Variants in ALG9 observed in about 807,000 individuals in gnomAD.
ALG9 encodes the protein alpha-1,2-mannosyltransferase ALG9.
In ALG9, 55 loss-of-function variants were observed where a neutral mutation model predicts 81.8. That is an observed-to-expected ratio of 0.67 (90% CI 0.54 to 0.84). ALG9 has a LOEUF of 0.84. Ranked by LOEUF, ALG9 falls within the 40% of genes least tolerant of loss-of-function variation. The pLI, the probability that ALG9 is intolerant of heterozygous loss-of-function variation, is 0.00. For missense variants in ALG9, 629 were observed against 745.0 expected (o/e 0.84, Z 1.81); for synonymous variants, 278 against 274.3 (o/e 1.01, Z -0.13).
intron 4 of ALG9, among the ~76,000 whole-genome samples, chr11:111,863,182 C>G (rs1555149516): frequency 2.0e-5 from 3 of 151,932 alleles, no homozygotes; most frequent in African/African-American, 7.3e-5. Context: ...CACGGTGAAA[C>G]CCCATCTCTA....
At chr11:111,864,284 A>G in intron 4 of ALG9, 1 of 1,129,904 alleles carries the variant, frequency 8.9e-7, no homozygotes, top group Non-Finnish European at 1.3e-6. Flanking sequence ...TGCCGCTATG[A>G]AGAAAGTGGT....
intron 6 of ALG9, among the ~76,000 whole-genome samples, chr11:111,856,610 A>T (rs951617572): frequency 2.6e-5 from 4 of 151,340 alleles, no homozygotes; most frequent in African/African-American, 9.7e-5. Flanking sequence ...TTTACCTTAT[A>T]CAATCTGGTA....
chr11:111,860,283 C>T lies in ALG9; in HGVS notation c.565+264G>A, dbSNP rs111553385. ...AATTTTGACTTTTAGTAAATCATTT[C>T]ATCTACGTTTCAATGTCCTTACCTG... On this transcript the variant is annotated intron_variant, in intron 5 of 14. Coordinates refer to ENST00000616540, the MANE Select transcript of ALG9 (RefSeq NM_024740.2). Among the ~76,000 whole-genome samples, 987 of 152,290 alleles carry T rather than the reference C, an allele frequency of 6.5e-3. 11 individuals carry two copies. The highest frequency in any genetic ancestry group is 0.022 in the African/African-American group (921 of 41,568).
chr11:111,833,705 T>C (rs1378119048), intron 13 of ALG9, among the ~76,000 whole-genome samples: 6 of 152,232 alleles, frequency 3.9e-5, no homozygotes, highest in African/African-American at 1.2e-4. Flanking sequence ...TGGACACAGC[T>C]GCTACCCAGC....
At chr11:111,819,472 G>A (rs998422303) in intron 13 of ALG9, among the ~76,000 whole-genome samples, 1 of 152,186 alleles carries the variant, frequency 6.6e-6, no homozygotes, top group Non-Finnish European at 1.5e-5. Flanking sequence ...AATCCTCTAA[G>A]AGTCCAAGGG....
intron 14 of ALG9, among the ~76,000 whole-genome samples, chr11:111,788,819 G>C (rs1037535329): frequency 2.0e-5 from 3 of 152,008 alleles, no homozygotes; most frequent in Non-Finnish European, 2.9e-5. Context: ...GGGTAGAACA[G>C]AAAGATGCAA....
At chr11:111,839,493 G>A (rs963032170) in intron 10 of ALG9, among the ~76,000 whole-genome samples, 2 of 149,292 alleles carry the variant, frequency 1.3e-5, no homozygotes, top group African/African-American at 4.9e-5. Context: ...ACTGAGGCAG[G>A]AGAATGGTGT....
intron 8 of ALG9, 138 bp downstream of exon 8, chr11:111,853,242 T>A (rs1958111696): frequency 1.4e-6 from 1 of 718,910 alleles, no homozygotes; most frequent in African/African-American, 1.8e-5. Context: ...TATACTCAGA[T>A]GTCATTTTTA....
the ALG9 span, among the ~76,000 whole-genome samples, chr11:111,772,457 T>C: frequency 6.6e-6 from 1 of 152,118 alleles, no homozygotes; most frequent in Non-Finnish European, 1.5e-5. Context: ...CCTTTCACAA[T>C]AGTACATACA....
At chr11:111,771,897 T>C in the ALG9 span, among the ~76,000 whole-genome samples, 1 of 152,218 alleles carries the variant, frequency 6.6e-6, no homozygotes, top group Admixed American at 6.5e-5. Flanking sequence ...GTTTTCTTCA[T>C]GGCAAATTTT....
intron 8 of ALG9, among the ~76,000 whole-genome samples, chr11:111,850,668 C>T (rs901002163): frequency 7.5e-6 from 1 of 133,558 alleles, no homozygotes. Flanking sequence ...GATCGCACCA[C>T]TGCACTCCAG....
At chr11:111,798,449 A>C (rs1362472763) in intron 14 of ALG9, among the ~76,000 whole-genome samples, 1 of 152,006 alleles carries the variant, frequency 6.6e-6, no homozygotes, top group East Asian at 1.9e-4. Flanking sequence ...ATCTCTCAGC[A>C]CACTTAGATA....
downstream of ALG9, among the ~76,000 whole-genome samples, chr11:111,777,904 C>T (rs1390209746): frequency 6.6e-6 from 1 of 152,166 alleles, no homozygotes; most frequent in African/African-American, 2.4e-5. Context: ...ACACATTTCA[C>T]GTCATTTCTC....
At chr11:111,838,113 T>C (rs1955626874) in intron 11 of ALG9, 136 bp downstream of exon 11, 1 of 937,958 alleles carries the variant, frequency 1.1e-6, no homozygotes, top group African/African-American at 1.7e-5. Context: ...CACTCATTAA[T>C]ATTAAGTCTA....
chr11:111,870,769 A>C, intron 1 of ALG9: 1 of 1,007,512 alleles, frequency 9.9e-7, no homozygotes, highest in South Asian at 4.2e-5. Context: ...CCAACTAATC[A>C]CTCACTTGAA....
the ALG9 span, among the ~76,000 whole-genome samples, chr11:111,777,175 C>T: frequency 1.3e-5 from 2 of 152,180 alleles, no homozygotes; most frequent in African/African-American, 4.8e-5. Context: ...TACCTATGAA[C>T]ACCATCATAG....
intron 4 of ALG9, 40 bp from the exon 5 acceptor site, chr11:111,860,675 G>C: frequency 6.8e-7 from 1 of 1,475,196 alleles, no homozygotes; most frequent in Non-Finnish European, 9.4e-7. Flanking sequence ...GAGAATATTA[G>C]GAATAGACAT....
At chr11:111,800,265 G>A (rs1948904254) in intron 14 of ALG9, among the ~76,000 whole-genome samples, 1 of 152,000 alleles carries the variant, frequency 6.6e-6, no homozygotes, top group African/African-American at 2.4e-5. Context: ...CGGATCATGA[G>A]GTCAGGAGAT....
chr11:111,845,666 A>G (rs1452412981), intron 8 of ALG9, among the ~76,000 whole-genome samples: 6 of 152,180 alleles, frequency 3.9e-5, no homozygotes, highest in Admixed American at 6.5e-5. Flanking sequence ...TCCCCTCTGT[A>G]TGATTACTTC....
Sources: gnomAD v4.1 joint callset for allele counts (sites outside exome capture counted in the v4.1 genomes callset) on GRCh38, gnomAD v4.1.1 for gene constraint, MANE v1.5 for transcripts, NCBI Gene and HGNC (gene_info 2026-07-23, HGNC 2026-07-21) for gene names.